CUX1: variants seen among roughly 807,000 people sequenced by gnomAD.
CUX1 encodes cut like homeobox 1.
In CUX1, 31 loss-of-function variants were observed where a neutral mutation model predicts 158.8. That is an observed-to-expected ratio of 0.20 (90% CI 0.15 to 0.26). The LOEUF (loss-of-function observed/expected upper bound fraction) is 0.26, where lower values mean the gene tolerates loss of function less well. Among genes scored for constraint, CUX1 ranks in the 10% least tolerant of loss-of-function variants. The pLI is 1.00. For missense variants in CUX1, 1,589 were observed against 2,014.6 expected, an observed-to-expected ratio of 0.79 and a Z score of 4.04; for synonymous variants, 879 against 862.1, an observed-to-expected ratio of 1.02 and a Z score of -0.34.
At position 101,999,217 on chromosome 7, in the gene CUX1, C is replaced by CTTTTTT. The variant is rs3988167; in HGVS notation, c.142-28863_142-28858dup. ...CTTTCCTTTACAAACTTTTTTTTAC[C>CTTTTTT]TTTTTTTTTTTTTTTTTTTTTTTAA... On this transcript the variant is annotated intron_variant, in intron 2 of 23. Transcript: ENST00000292535. 5.2e-3 allele frequency among the ~76,000 whole-genome samples: 447 copies of CTTTTTT among 85,782 alleles called. 24 individuals are homozygous for CTTTTTT. The highest frequency in any genetic ancestry group is 0.02 in the Admixed American group (115 of 5,824). The allele number at this position is 85,782 out of a possible 152,430, so 56.3% of individuals were successfully genotyped here.
rs188689677 is a variant in CUX1 at position 102,195,418 on chromosome 7, A to G, written c.1126-89A>G. ...GAGAGCTGGGTGGGAACGCGGACAG[A>G]TGGAGGGAGGCAGGGCTCCAGGCCT... is the stretch of plus-strand genomic sequence containing the variant. On this transcript the variant is annotated intron_variant, in intron 13 of 23. Coordinates refer to ENST00000292535, the MANE Select transcript of CUX1 (RefSeq NM_181552.4). 3.9e-5 allele frequency: 40 copies of G among 1,033,562 alleles called. No homozygotes were observed. In the Admixed American group the frequency reaches 9.1e-4, roughly 24 times the overall value. 64.0% of individuals were successfully genotyped at this position (1,033,562 alleles called of 1,614,324 possible).
intron 20 of CUX1, among the ~76,000 whole-genome samples, chr7:102,220,990 G>A (rs144569936): frequency 4.3e-4 from 65 of 152,154 alleles, no homozygotes; most frequent in African/African-American, 1.4e-3. Context: ...GATTACAGGC[G>A]TGAGCCACCG....
intron 2 of CUX1, among the ~76,000 whole-genome samples, chr7:101,959,238 A>AGTGTGTGTGT (rs55733311): frequency 1.6e-4 from 23 of 145,706 alleles, no homozygotes; most frequent in Admixed American, 4.2e-4. Flanking sequence ...ATGTGTGTGC[A>AGTGTGTGTGT]GTGTGTGTGT....
At chr7:101,897,455 C>T (rs1177348920) in intron 1 of CUX1, among the ~76,000 whole-genome samples, 4 of 151,342 alleles carry the variant, frequency 2.6e-5, no homozygotes, top group Admixed American at 6.6e-5. Context: ...GAGCTATGAT[C>T]GTGCCACTGT....
intron 2 of CUX1, among the ~76,000 whole-genome samples, chr7:102,018,534 G>A (rs1422637602): frequency 6.6e-6 from 1 of 152,142 alleles, no homozygotes; most frequent in Non-Finnish European, 1.5e-5. Flanking sequence ...CCCTCTCACT[G>A]GGGTGTCTGA....
intron 3 of CUX1, among the ~76,000 whole-genome samples, chr7:102,044,486 G>A (rs144664030): frequency 9.2e-5 from 14 of 152,188 alleles, no homozygotes; most frequent in African/African-American, 2.6e-4. Context: ...CACTGCGCCC[G>A]GCCACCTTAG....
chr7:101,893,185 TA>T lies in CUX1; in HGVS notation c.31-22926del, dbSNP rs66507004. Among the ~76,000 whole-genome samples, 193 of 87,936 alleles carry T rather than the reference TA, an allele frequency of 2.2e-3. 27 individuals are homozygous for T. Among genetic ancestry groups the T allele is most frequent in the African/African-American group, 0.01 (186 of 18,528 alleles). 57.7% of individuals were successfully genotyped at this position (87,936 alleles called of 152,430 possible). A position where few individuals can be genotyped will look rare whatever the true frequency, so the allele number is the denominator to read the frequency against. The stretch of plus-strand genomic sequence containing the variant: ...TTTTTTTTTTTTTTTTTTTTTTTTT[TA>T]AAATAGAGATGAGGGCTTGCTGTGT... On this transcript the variant is annotated intron_variant, in intron 1 of 23. Transcript: ENST00000292535.
chr7:102,105,110 C>T (rs576410793), intron 6 of CUX1, among the ~76,000 whole-genome samples: 2 of 151,986 alleles, frequency 1.3e-5, no homozygotes, highest in African/African-American at 4.8e-5. Flanking sequence ...TGTGTGTCCT[C>T]TGGGGACAAG....
intron 2 of CUX1, among the ~76,000 whole-genome samples, chr7:101,984,089 A>AAAAAAAAAAAAAAAATATAT (rs1221503978): frequency 3.4e-5 from 1 of 29,842 alleles, no homozygotes. Flanking sequence ...AAAAAAAAAA[A>AAAAAAAAAAAAAAAATATAT]ATATATATAT....
At chr7:101,965,562 A>C (rs961751514) in intron 2 of CUX1, among the ~76,000 whole-genome samples, 2 of 151,736 alleles carry the variant, frequency 1.3e-5, no homozygotes, top group African/African-American at 4.8e-5. Flanking sequence ...AAAAATGATG[A>C]CTTGGCCAGG....
chr7:102,211,352 A>T (rs1796495821), intron 20 of CUX1, among the ~76,000 whole-genome samples: 1 of 152,108 alleles, frequency 6.6e-6, no homozygotes, highest in African/African-American at 2.4e-5. Flanking sequence ...AGGCTGAGGC[A>T]AGAGTATCAC....
chr7:102,005,315 C>T (rs768371453), intron 2 of CUX1, among the ~76,000 whole-genome samples: 2 of 152,164 alleles, frequency 1.3e-5, no homozygotes, highest in African/African-American at 2.4e-5. Flanking sequence ...AGTTCGAGAC[C>T]GGCCTGGTTT....
Position 102,234,067 on chromosome 7 carries a change from G to T in CUX1, c.3449G>T (p.Gly1150Val). The change falls in exon 22 of 24, where the codon GGG becomes GTG. Residue 1150 changes from glycine to valine, a missense_variant. Physicochemically the swap from Gly to Val is moderately radical, Grantham distance 109. This residue lies in a region of CUX1 where 259 missense variants were observed against 373.8 expected (regional missense o/e 0.69). Transcript: ENST00000292535. ...TTCTCTCTAGGCCAGCGCTTATTTGGGGAGACCATCTTAGGGCTCACCCAA... is the reference window on the plus strand; with the variant it reads ...TTCTCTCTAGGCCAGCGCTTATTTGTGGAGACCATCTTAGGGCTCACCCAA... The part of the protein sequence containing the change: ...TDNNLGQRLF[G>V]ETILGLTQGS... 1.3e-6 allele frequency: 2 copies of T among 1,540,202 alleles called. No homozygotes were observed. The highest frequency in any genetic ancestry group is 2.5e-5 in the South Asian group (2 of 80,918).
Position 101,843,787 on chromosome 7 carries a change from G to C in CUX1, c.30+26118G>C, listed in dbSNP as rs114736367. Among the ~76,000 whole-genome samples the C allele has an allele frequency of 4.9e-3, 743 of 152,116 alleles. 7 individuals carry two copies. The highest frequency in any genetic ancestry group is 0.017 in the African/African-American group (699 of 41,500). On this transcript the variant is annotated intron_variant, in intron 1 of 23. Coordinates refer to ENST00000292535, the MANE Select transcript of CUX1 (RefSeq NM_181552.4). ...GTGCCATATAGGACTGTGGCCCTCG[G>C]GTGTGCAGAATCAGCGTCACCAGGT... is the stretch of plus-strand genomic sequence containing the variant.
chr7:102,280,590 G>A (rs921407353), intron 19 of CUX1, among the ~76,000 whole-genome samples: 1 of 152,192 alleles, frequency 6.6e-6, no homozygotes, highest in Non-Finnish European at 1.5e-5. Context: ...GCAGAGGCGG[G>A]GAGGGGCTCT....
chr7:102,142,241 G>A (rs916000413), intron 8 of CUX1, among the ~76,000 whole-genome samples: 6 of 152,160 alleles, frequency 3.9e-5, no homozygotes, highest in Non-Finnish European at 5.9e-5. Context: ...CTTGGGCAGC[G>A]TCTGTTGGAG....
At chr7:102,134,812 T>C (rs1833716593) in intron 8 of CUX1, among the ~76,000 whole-genome samples, 3 of 151,724 alleles carry the variant, frequency 2.0e-5, no homozygotes, top group Admixed American at 6.6e-5. Flanking sequence ...CCCAGGCTGG[T>C]CTCAAACTCC....
At chr7:102,173,259 C>T (rs1321006472) in intron 10 of CUX1, among the ~76,000 whole-genome samples, 1 of 152,156 alleles carries the variant, frequency 6.6e-6, no homozygotes, top group Non-Finnish European at 1.5e-5. Flanking sequence ...ACTCAGGAGG[C>T]TGAGGTAGGA....
chr7:102,264,590 GGGTCCTGGCTCT>G (rs1408910919), intron 14 of CUX1: 2 of 152,494 alleles, frequency 1.3e-5, no homozygotes, highest in Admixed American at 1.3e-4. Flanking sequence ...TTTGAACAGA[GGGTCCTGGCTCT>G]GGTGGGGAAA....
Sources: allele counts gnomAD v4.1 joint callset (sites outside exome capture counted in the v4.1 genomes callset), GRCh38; gene constraint gnomAD v4.1.1; regional missense constraint gnomAD v4.1.1; transcripts MANE v1.5; gene names NCBI Gene and HGNC (gene_info 2026-07-23, HGNC 2026-07-21).